Variants in ZBTB16 observed in about 807,000 individuals in gnomAD.
The protein encoded by ZBTB16 is zinc finger and BTB domain-containing protein 16.
ZBTB16 carries 8 observed loss-of-function variants against 56.8 expected under a neutral mutation model. The observed-to-expected ratio is 0.14, with a 90% CI of 0.08 to 0.25. The LOEUF is 0.25. Ranked by LOEUF, ZBTB16 falls within the 10% of genes least tolerant of loss-of-function variation. The probability of loss-of-function intolerance (pLI) is 1.00; values close to 1 mark genes in which losing one functional copy is unlikely to be tolerated. For synonymous variants in ZBTB16, 363 were observed against 368.5 expected (o/e 0.98, Z 0.17); for missense variants, 625 against 903.0 (o/e 0.69, Z 3.95).
In ZBTB16 at chr11:114,197,195, C is replaced by T. The variant is rs1943630285; in HGVS notation, c.1453+10157C>T. On this transcript the variant is annotated intron_variant, in intron 4 of 6. Transcript: ENST00000335953. The stretch of plus-strand genomic sequence containing the variant: ...TTGCTTAGTTTCCACATTACTGCGT[C>T]ACAGGGGAAGCCACTCAACCAGATG... 2.0e-5 allele frequency among the ~76,000 whole-genome samples: 3 copies of T among 152,194 alleles called. No homozygotes were observed. The South Asian group carries it at 6.2e-4, about 32-fold the overall frequency.
intron 2 of ZBTB16, among the ~76,000 whole-genome samples, chr11:114,093,877 T>C (rs1940284244): frequency 6.6e-6 from 1 of 152,176 alleles, no homozygotes; most frequent in African/African-American, 2.4e-5. Context: ...TATGCAACTG[T>C]TGGTTTTGGG....
chr11:114,095,129 AGGAATGAAGATGCACGT>A (rs988395671), intron 2 of ZBTB16, among the ~76,000 whole-genome samples: 4 of 152,102 alleles, frequency 2.6e-5, no homozygotes, highest in African/African-American at 9.6e-5. Flanking sequence ...AGGAGTGGTG[AGGAATGAAGATGCACGT>A]GCACGCGCCC....
chr11:114,163,750 G>T (rs1942663684), intron 3 of ZBTB16, among the ~76,000 whole-genome samples: 1 of 152,170 alleles, frequency 6.6e-6, no homozygotes, highest in Non-Finnish European at 1.5e-5. Context: ...CCTTAGCAGG[G>T]GTTGGGGAAG....
At position 114,064,425 on chromosome 11, in the gene ZBTB16, G is replaced by A; in HGVS notation, c.1125G>A (p.Leu375=). 1 of 1,614,106 alleles carries A rather than the reference G, an allele frequency of 6.2e-7. No homozygotes were observed. The highest frequency in any genetic ancestry group is 1.3e-5 in the African/African-American group (1 of 75,062). The change falls in exon 2 of 7, where the codon CTG becomes CTA. Residue 375 remains leucine (L), a synonymous_variant. Transcript: ENST00000335953. The surrounding 1 kb of genome is among the most constrained non-coding windows in gnomAD (Gnocchi z 4.2). ...ACTTCAGCACCTATGGGGGGCTGCT[G>A]CCCCAGGGCTTCATCCAGAGGGAGC... The part of the protein sequence containing the change: ...SMDFSTYGGL[L]PQGFIQRELF...
chr11:114,181,478 T>C (rs1290922795), intron 3 of ZBTB16, among the ~76,000 whole-genome samples: 1 of 152,234 alleles, frequency 6.6e-6, no homozygotes, highest in Non-Finnish European at 1.5e-5. Flanking sequence ...TCCTGAGGTA[T>C]AAATGGCACC....
Position 114,143,324 on chromosome 11 carries a change from A to G in ZBTB16, c.1269-13013A>G, listed in dbSNP as rs1287129384. Among the ~76,000 whole-genome samples the G allele has an allele frequency of 6.6e-6, 1 of 152,174 alleles. No individual in the cohort carries two copies. The highest frequency in any genetic ancestry group is 1.5e-5 in the Non-Finnish European group (1 of 68,038). On this transcript the variant is annotated intron_variant, in intron 2 of 6. Transcript: ENST00000335953. This position sits in a 1 kb window ranked among gnomAD's most constrained non-coding sequence, Gnocchi z 6.4. ...ATGAGGCAAAGCCCTGTCTTCATGT[A>G]GCTGCCCATCCAGCTGGAGAGACAG...
chr11:114,216,079 G>A (rs1944088136), intron 4 of ZBTB16, among the ~76,000 whole-genome samples: 1 of 152,196 alleles, frequency 6.6e-6, no homozygotes, highest in African/African-American at 2.4e-5. Flanking sequence ...TATCTTGAGT[G>A]AGAACAGGCC....
At chr11:114,177,277 G>C (rs947100210) in intron 3 of ZBTB16, among the ~76,000 whole-genome samples, 4 of 152,220 alleles carry the variant, frequency 2.6e-5, no homozygotes, top group Non-Finnish European at 5.9e-5. Flanking sequence ...CTCTGGATTT[G>C]AGCTGTTGCT....
At chr11:114,173,171 C>G (rs1052228697) in intron 3 of ZBTB16, among the ~76,000 whole-genome samples, 2 of 152,246 alleles carry the variant, frequency 1.3e-5, no homozygotes, top group Non-Finnish European at 2.9e-5. Context: ...TTCCTAACAT[C>G]AGAAGCACCC....
intron 4 of ZBTB16, among the ~76,000 whole-genome samples, chr11:114,238,392 A>T (rs1944637629): frequency 6.6e-6 from 1 of 151,740 alleles, no homozygotes; most frequent in African/African-American, 2.4e-5. Context: ...ACAGCTCTGG[A>T]GGCTGGGAAG....
At chr11:114,155,483 G>A (rs1942388037) in intron 2 of ZBTB16, among the ~76,000 whole-genome samples, 1 of 152,290 alleles carries the variant, frequency 6.6e-6, no homozygotes, top group Admixed American at 6.5e-5. Context: ...GAGTTGGGAT[G>A]GGAGCACTGC....
chr11:114,201,497 G>A (rs1052919390), intron 4 of ZBTB16, among the ~76,000 whole-genome samples: 2 of 152,180 alleles, frequency 1.3e-5, no homozygotes, highest in African/African-American at 2.4e-5. Flanking sequence ...GAAACCCTTG[G>A]CGTTTCATCC....
At position 114,064,277 on chromosome 11, in the gene ZBTB16, C is replaced by G; in HGVS notation, c.977C>G (p.Pro326Arg). ...PTGRPEHPAPPPEKHLGIYSV... is the reference protein window; with the variant it reads ...PTGRPEHPAPRPEKHLGIYSV... ...GGCCGACCTGAGCACCCAGCACCCC[C>G]GCCTGAGAAGCATCTGGGCATCTAC... The change falls in exon 2 of 7, where the codon CCG becomes CGG. Residue 326 changes from proline to arginine, a missense_variant. Around this residue, in one of 6 missense-constraint regions of ZBTB16, gnomAD observed 384 missense variants for 393.5 expected, o/e 0.98. Transcript: ENST00000335953. The surrounding 1 kb of genome is among the most constrained non-coding windows in gnomAD (Gnocchi z 4.2). 1 of 1,614,120 alleles carries G rather than the reference C, an allele frequency of 6.2e-7. No individual in the cohort carries two copies. The highest frequency in any genetic ancestry group is 8.5e-7 in the Non-Finnish European group (1 of 1,180,046).
At chr11:114,243,936 G>C (rs1263945149) in intron 5 of ZBTB16, among the ~76,000 whole-genome samples, 1 of 152,180 alleles carries the variant, frequency 6.6e-6, no homozygotes, top group Non-Finnish European at 1.5e-5. Flanking sequence ...ACGGGGAGGG[G>C]CTGTTTCCAG....
chr11:114,235,629 C>T (rs2511237), intron 4 of ZBTB16, among the ~76,000 whole-genome samples: 49,806 of 95,100 alleles, frequency 0.52, 12,255 homozygotes, highest in East Asian at 0.66. Flanking sequence ...CCTCTCCCTT[C>T]CTTTCTTTCT....
At chr11:114,172,584 C>A (rs936240915) in intron 3 of ZBTB16, among the ~76,000 whole-genome samples, 1 of 152,184 alleles carries the variant, frequency 6.6e-6, no homozygotes, top group African/African-American at 2.4e-5. Context: ...TTGTTTCCAT[C>A]CCCTTTCCAG....
At chr11:114,155,772 A>T (rs1942394177) in intron 2 of ZBTB16, among the ~76,000 whole-genome samples, 1 of 152,186 alleles carries the variant, frequency 6.6e-6, no homozygotes, top group Non-Finnish European at 1.5e-5. Flanking sequence ...AGTCCTAAGA[A>T]CATCTGGATG....
intron 2 of ZBTB16, among the ~76,000 whole-genome samples, chr11:114,099,771 C>T (rs1032207776): frequency 1.3e-5 from 2 of 152,120 alleles, no homozygotes; most frequent in South Asian, 2.1e-4. Context: ...GATACAACTT[C>T]TCTTCTTGCC....
chr11:114,071,927 A>G (rs1490052153), intron 2 of ZBTB16, among the ~76,000 whole-genome samples: 3 of 152,228 alleles, frequency 2.0e-5, no homozygotes, highest in African/African-American at 7.2e-5. Context: ...TGTGTTACTT[A>G]ACTTCTGTGT....
Sources: gnomAD v4.1 joint callset for allele counts (sites outside exome capture counted in the v4.1 genomes callset) on GRCh38, gnomAD v4.1.1 for gene constraint, gnomAD v4.1.1 regional missense constraint, Gnocchi (gnomAD v3.1) non-coding constraint, MANE v1.5 for transcripts, NCBI Gene and HGNC (gene_info 2026-07-23, HGNC 2026-07-21) for gene names.